SDK2: variants seen among roughly 807,000 people sequenced by gnomAD.
SDK2 encodes protein sidekick-2.
SDK2 carries 105 observed loss-of-function variants against 253.9 expected under a neutral mutation model. That is an observed-to-expected ratio of 0.41 (90% CI 0.35 to 0.49). The LOEUF is 0.49. SDK2 is among the 20% of genes least tolerant of loss of function. The probability of loss-of-function intolerance (pLI) is 0.06; values close to 1 mark genes in which losing one functional copy is unlikely to be tolerated. For missense variants in SDK2, 2,608 were observed against 3,003.0 expected (o/e 0.87, Z 3.07); for synonymous variants, 1,249 against 1,234.9 (o/e 1.01, Z -0.24).
At chr17:73,404,368 C>T (rs1484489796) in intron 18 of SDK2, among the ~76,000 whole-genome samples, 2 of 152,104 alleles carry the variant, frequency 1.3e-5, no homozygotes, top group African/African-American at 4.8e-5. Flanking sequence ...CTTTTGTGTC[C>T]TTCATTGCCC....
chr17:73,440,399 C>G (rs2063405703), intron 6 of SDK2, among the ~76,000 whole-genome samples: 1 of 152,148 alleles, frequency 6.6e-6, no homozygotes, highest in Non-Finnish European at 1.5e-5. Context: ...AGCCATCGCG[C>G]CCAAAGCCGT....
chr17:73,488,085 G>A (rs996064700), intron 2 of SDK2, among the ~76,000 whole-genome samples: 6 of 152,002 alleles, frequency 3.9e-5, no homozygotes, highest in African/African-American at 7.2e-5. Context: ...GCGCGATCTC[G>A]GCTCACTGCA....
chr17:73,466,229 C>T (rs1195514340), intron 3 of SDK2, among the ~76,000 whole-genome samples: 1 of 152,150 alleles, frequency 6.6e-6, no homozygotes, highest in South Asian at 2.1e-4. Context: ...TAGACAGATT[C>T]AAGAAGGTTG....
At chr17:73,388,612 C>A (rs1228952826) in intron 29 of SDK2, among the ~76,000 whole-genome samples, 3 of 152,168 alleles carry the variant, frequency 2.0e-5, no homozygotes, top group African/African-American at 7.2e-5. Context: ...CAGTAGCACT[C>A]CCACACTGTG....
intron 1 of SDK2, among the ~76,000 whole-genome samples, chr17:73,509,556 G>A (rs533522000): frequency 2.0e-5 from 3 of 151,374 alleles, no homozygotes; most frequent in South Asian, 2.1e-4. Flanking sequence ...TTGGGAGGCC[G>A]AGGTGGGAGG....
At chr17:73,515,721 G>A (rs1036154353) in intron 1 of SDK2, among the ~76,000 whole-genome samples, 2 of 152,248 alleles carry the variant, frequency 1.3e-5, no homozygotes, top group African/African-American at 2.4e-5. Flanking sequence ...CCCTGCTCCC[G>A]AGGAACCACC....
chr17:73,423,521 G>A lies in SDK2; in HGVS notation c.1762C>T (p.Gln588Ter), dbSNP rs534190960. Reference sequence around the variant, plus strand: ...GGGTGCTCGGGCGCGTGGGGCAGTTGCCTGGAAAAGAGACACGTGGTCAGG... The same window carrying A: ...GGGTGCTCGGGCGCGTGGGGCAGTTACCTGGAAAAGAGACACGTGGTCAGG... ...DSRSAHLRVR[Q>*]LPHAPEHPVA... The change falls in exon 14 of 45, where the codon CAA becomes TAA. Residue 588 changes from glutamine to a stop codon, truncating the protein, a stop_gained and splice_region_variant. Transcript: ENST00000392650. LOFTEE classifies it high-confidence loss of function. 1.3e-6 allele frequency: 2 copies of A among 1,551,778 alleles called. No homozygotes were observed. Among genetic ancestry groups the A allele is most frequent in the Non-Finnish European group, 1.7e-6 (2 of 1,146,126 alleles).
At chr17:73,530,596 CTGTAAGCCCCTCGCAGGGG>C (rs1246453396) in intron 1 of SDK2, among the ~76,000 whole-genome samples, 1 of 152,188 alleles carries the variant, frequency 6.6e-6, no homozygotes, top group African/African-American at 2.4e-5. Flanking sequence ...ATGGTAGGGG[CTGTAAGCCCCTCGCAGGGG>C]TGTAGCTTGT....
At chr17:73,601,370 G>A (rs1330622077) in intron 1 of SDK2, among the ~76,000 whole-genome samples, 1 of 152,102 alleles carries the variant, frequency 6.6e-6, no homozygotes, top group Admixed American at 6.5e-5. Flanking sequence ...TGGCATGCTG[G>A]GTGGAATAGT....
At chr17:73,490,120 G>A (rs187113204) in intron 2 of SDK2, among the ~76,000 whole-genome samples, 50 of 152,248 alleles carry the variant, frequency 3.3e-4, no homozygotes, top group Middle Eastern at 3.4e-3. Context: ...TCTCAGAGCC[G>A]CCCTGCTCTC....
Position 73,609,120 on chromosome 17 carries a change from G to A in SDK2, c.64+34905C>T, listed in dbSNP as rs1450274124. Among the ~76,000 whole-genome samples the A allele has an allele frequency of 2.0e-5, 3 of 152,156 alleles. No homozygotes were observed. The highest frequency in any genetic ancestry group is 6.5e-5 in the Admixed American group (1 of 15,276). The stretch of plus-strand genomic sequence containing the variant: ...GGCCGCTGGAGGAAAGCCTTTTTGG[G>A]GAAGATCAGGAGTTTGCAAGACCTT... On this transcript the variant is annotated intron_variant, in intron 1 of 44. Transcript: ENST00000392650. This position sits in a 1 kb window ranked among gnomAD's most constrained non-coding sequence, Gnocchi z 4.4.
chr17:73,494,553 CT>C (rs2063829062), intron 2 of SDK2, among the ~76,000 whole-genome samples: 2 of 152,228 alleles, frequency 1.3e-5, no homozygotes, highest in South Asian at 4.1e-4. Context: ...GTTTGAGAGA[CT>C]TTTGCATCTT....
At chr17:73,622,327 C>A (rs567721306) in intron 1 of SDK2, among the ~76,000 whole-genome samples, 2 of 152,208 alleles carry the variant, frequency 1.3e-5, no homozygotes, top group Admixed American at 1.3e-4. Flanking sequence ...CTCATGCCCC[C>A]GTTATCTGCA....
chr17:73,446,430 C>T (rs534254306), intron 5 of SDK2, among the ~76,000 whole-genome samples: 1 of 152,134 alleles, frequency 6.6e-6, no homozygotes, highest in African/African-American at 2.4e-5. Flanking sequence ...CTCTCCTCCC[C>T]GCATTCAGAT....
intron 44 of SDK2, among the ~76,000 whole-genome samples, chr17:73,339,940 G>A (rs2062420487): frequency 6.6e-6 from 1 of 151,942 alleles, no homozygotes; most frequent in Admixed American, 6.6e-5. Context: ...GTGCAATCTG[G>A]GCTCACTGCA....
In SDK2 at chr17:73,338,606, C is replaced by A; in HGVS notation, c.6500G>T (p.Gly2167Val). ...CTGATGTCAAACAAATGATGAAAATCCTGCTATGGGAGCCCGGGAGCCTGG... is the reference window on the plus strand; with the variant it reads ...CTGATGTCAAACAAATGATGAAAATACTGCTATGGGAGCCCGGGAGCCTGG... ...LAPGSRAPIA[G>V]FSSFV Residue 2167 changes from glycine (G) to valine (V), a missense_variant, in exon 45 of 45, where the codon GGA becomes GTA. Physicochemically the swap from Gly to Val is moderately radical, Grantham distance 109. Around this residue, in one of 2 missense-constraint regions of SDK2, gnomAD observed 1,103 missense variants for 1,143.9 expected, o/e 0.96. Transcript: ENST00000392650. The surrounding 1 kb of genome is among the most constrained non-coding windows in gnomAD (Gnocchi z 5.0). The A allele has an allele frequency of 6.6e-7, 1 of 1,521,872 alleles. No homozygotes were observed. The highest frequency in any genetic ancestry group is 8.8e-7 in the Non-Finnish European group (1 of 1,140,558). The allele number at this position is 1,521,872 out of a possible 1,614,324, so 94.3% of individuals were successfully genotyped here.
chr17:73,347,775 G>GC (rs1433524377), intron 44 of SDK2, among the ~76,000 whole-genome samples: 3 of 118,668 alleles, frequency 2.5e-5, no homozygotes, highest in Non-Finnish European at 5.6e-5. Context: ...AATACACACA[G>GC]CCCCTTCCCC....
chr17:73,486,794 A>G (rs1356820963), intron 2 of SDK2, among the ~76,000 whole-genome samples: 2 of 151,924 alleles, frequency 1.3e-5, no homozygotes, highest in South Asian at 2.1e-4. Flanking sequence ...ATTCCTTACA[A>G]TGCTCCTACT....
At chr17:73,430,476 C>A (rs1369121533) in intron 12 of SDK2, 35 bp downstream of exon 12, 1 of 1,501,944 alleles carries the variant, frequency 6.7e-7, no homozygotes, top group Non-Finnish European at 9.2e-7. Flanking sequence ...GGCTCCCCCT[C>A]CCCTCTTGCC....
Sources: gnomAD v4.1 joint callset for allele counts (sites outside exome capture counted in the v4.1 genomes callset) on GRCh38, gnomAD v4.1.1 for gene constraint, gnomAD v4.1.1 regional missense constraint, Gnocchi (gnomAD v3.1) non-coding constraint, MANE v1.5 for transcripts, NCBI Gene and HGNC (gene_info 2026-07-23, HGNC 2026-07-21) for gene names.